The following TRPM3 variants were observed in gnomAD, a reference collection of about 807,000 sequenced individuals.
TRPM3 encodes long transient receptor potential channel 3.
In TRPM3, 77 loss-of-function variants were observed where a neutral mutation model predicts 181.2. The observed-to-expected ratio is 0.42, with a 90% CI of 0.35 to 0.51. The LOEUF (loss-of-function observed/expected upper bound fraction) is 0.51. TRPM3 is among the 20% of genes least tolerant of loss of function. The pLI is 0.01. For synonymous variants in TRPM3, 745 were observed against 796.4 expected (o/e 0.94, Z 1.09); for missense variants, 1,759 against 2,196.7 (o/e 0.80, Z 3.98).
chr9:71,292,424 A>T (rs1489512300), intron 1 of TRPM3, among the ~76,000 whole-genome samples: 2 of 152,170 alleles, frequency 1.3e-5, no homozygotes, highest in Middle Eastern at 3.4e-3. Context: ...GTCTCTAAAA[A>T]ATACTGATTT....
intron 1 of TRPM3, among the ~76,000 whole-genome samples, chr9:71,431,579 A>G (rs570960269): frequency 6.6e-6 from 1 of 152,068 alleles, no homozygotes; most frequent in African/African-American, 2.4e-5. Context: ...CGTTGCTTAC[A>G]CTCTTTTTAT....
At chr9:71,405,461 T>C (rs188802368) in intron 1 of TRPM3, among the ~76,000 whole-genome samples, 1 of 152,306 alleles carries the variant, frequency 6.6e-6, no homozygotes, top group Admixed American at 6.5e-5. Context: ...CTAGGTTTTA[T>C]TCTCATATAA....
At chr9:71,379,209 T>G (rs2092734519) in intron 1 of TRPM3, among the ~76,000 whole-genome samples, 1 of 134,620 alleles carries the variant, frequency 7.4e-6, no homozygotes, top group South Asian at 2.5e-4. Context: ...TAATCTATCT[T>G]TATGATGTGT....
intron 1 of TRPM3, among the ~76,000 whole-genome samples, chr9:71,093,064 C>T (rs866496347): frequency 1.3e-5 from 2 of 152,142 alleles, no homozygotes; most frequent in South Asian, 2.1e-4. Flanking sequence ...CCCTTTCTTA[C>T]ACTTTATACA....
intron 1 of TRPM3, among the ~76,000 whole-genome samples, chr9:70,891,663 T>C (rs191713589): frequency 5.3e-5 from 8 of 152,302 alleles, no homozygotes; most frequent in Non-Finnish European, 8.8e-5. Flanking sequence ...TTCAAATGAA[T>C]GAAATTGTAT....
chr9:70,889,008 C>T (rs1004376899), intron 1 of TRPM3, among the ~76,000 whole-genome samples: 4 of 152,096 alleles, frequency 2.6e-5, no homozygotes, highest in African/African-American at 7.2e-5. Context: ...TTGGAAATTT[C>T]AACATGAATG....
Position 70,867,394 on chromosome 9 carries a change from G to A in TRPM3, c.178-2883C>T, listed in dbSNP as rs570246689. 1.2e-4 allele frequency among the ~76,000 whole-genome samples: 19 copies of A among 152,122 alleles called. No individual in the cohort carries two copies. In the South Asian group the frequency reaches 2.1e-3, roughly 17 times the overall value. ...TGGAAGTTTTAGTCAGATGATGGGT[G>A]GTAAGAATTCCTACATATGGATTGC... is the stretch of plus-strand genomic sequence containing the variant. On this transcript the variant is annotated intron_variant, in intron 1 of 25. Transcript: ENST00000677713.
chr9:71,160,321 A>C (rs990749406), intron 1 of TRPM3, among the ~76,000 whole-genome samples: 1 of 152,140 alleles, frequency 6.6e-6, no homozygotes, highest in African/African-American at 2.4e-5. Context: ...TCTTTAAAAA[A>C]ATTTCATAGC....
At chr9:71,275,232 T>A (rs2084103643) in intron 1 of TRPM3, among the ~76,000 whole-genome samples, 1 of 152,350 alleles carries the variant, frequency 6.6e-6, no homozygotes, top group African/African-American at 2.4e-5. Flanking sequence ...AGATAAATCA[T>A]TTCAATTTCT....
At chr9:70,746,379 TG>T (rs2075163131) in intron 8 of TRPM3, among the ~76,000 whole-genome samples, 1 of 152,220 alleles carries the variant, frequency 6.6e-6, no homozygotes, top group East Asian at 1.9e-4. Flanking sequence ...TTCCTAAATG[TG>T]GAAAGAGAGT....
chr9:70,658,938 GT>G (rs570840719), intron 9 of TRPM3, among the ~76,000 whole-genome samples: 3 of 151,934 alleles, frequency 2.0e-5, no homozygotes, highest in Non-Finnish European at 4.4e-5. Flanking sequence ...CTGATCATTT[GT>G]TTTTTTGTCA....
chr9:71,398,272 GAGTA>G (rs953978901), intron 1 of TRPM3, among the ~76,000 whole-genome samples: 25 of 152,316 alleles, frequency 1.6e-4, no homozygotes, highest in Middle Eastern at 3.4e-3. Flanking sequence ...CTGCATATTT[GAGTA>G]AGTAACAACT....
chr9:71,130,045 GGTAA>G (rs1434365013), intron 1 of TRPM3, among the ~76,000 whole-genome samples: 1 of 152,034 alleles, frequency 6.6e-6, no homozygotes, highest in Non-Finnish European at 1.5e-5. Flanking sequence ...GCAAATATGA[GGTAA>G]GTTTTTAAAC....
At chr9:71,126,026 A>T (rs2074009979), upstream of TRPM3, among the ~76,000 whole-genome samples, 2 of 152,310 alleles carry the variant, frequency 1.3e-5, no homozygotes, top group East Asian at 3.9e-4. Flanking sequence ...AATTTATAAG[A>T]AAAAAGCAAA....
At chr9:71,167,704 T>G (rs910115735) in intron 1 of TRPM3, among the ~76,000 whole-genome samples, 4 of 152,132 alleles carry the variant, frequency 2.6e-5, no homozygotes, top group Non-Finnish European at 5.9e-5. Context: ...CACAAGCTGA[T>G]GAGAGCTCTT....
chr9:70,820,597 G>T (rs2093077421), intron 6 of TRPM3, among the ~76,000 whole-genome samples: 1 of 152,160 alleles, frequency 6.6e-6, no homozygotes, highest in African/African-American at 2.4e-5. Flanking sequence ...CAAGTCTCAG[G>T]TTGGAACCTA....
intron 8 of TRPM3, among the ~76,000 whole-genome samples, chr9:70,740,257 C>G (rs971307121): frequency 2.0e-5 from 3 of 152,074 alleles, no homozygotes; most frequent in Admixed American, 1.3e-4. Context: ...AGGAATATAC[C>G]TAATCAAGGA....
intron 1 of TRPM3, among the ~76,000 whole-genome samples, chr9:71,413,490 A>G (rs2093592310): frequency 6.6e-6 from 1 of 152,048 alleles, no homozygotes; most frequent in Admixed American, 6.6e-5. Flanking sequence ...AGCGCCCAAA[A>G]CTATACCTTT....
At chr9:71,081,688 C>G (rs1420760093) in intron 1 of TRPM3, among the ~76,000 whole-genome samples, 1 of 152,168 alleles carries the variant, frequency 6.6e-6, no homozygotes, top group Admixed American at 6.6e-5. Flanking sequence ...CACATACACA[C>G]ACACAAACAG....
Sources: allele counts gnomAD v4.1 joint callset (sites outside exome capture counted in the v4.1 genomes callset), GRCh38; gene constraint gnomAD v4.1.1; transcripts MANE v1.5; gene names NCBI Gene and HGNC (gene_info 2026-07-23, HGNC 2026-07-21).